The following SAG variants were observed in gnomAD, a reference collection of about 807,000 sequenced individuals.
SAG encodes the protein S-arrestin.
Under a neutral mutation model 55.0 loss-of-function variants are expected in SAG, and 45 were observed. The observed-to-expected ratio is 0.82, with a 90% CI of 0.64 to 1.05. SAG has a LOEUF of 1.05. Ranked by LOEUF, SAG falls within the 50% of genes least tolerant of loss-of-function variation. The probability of loss-of-function intolerance (pLI) is 0.00; values close to 1 mark genes in which losing one functional copy is unlikely to be tolerated. For synonymous variants in SAG, 189 were observed against 197.4 expected (o/e 0.96, Z 0.36); for missense variants, 455 against 512.1 (o/e 0.89, Z 1.08).
intron 7 of SAG, 126 bp downstream of exon 7, chr2:233,327,323 C>T: frequency 1.4e-6 from 1 of 696,496 alleles, no homozygotes. Context: ...GTACCATCTG[C>T]ATGTGGGATG....
intron 6 of SAG, among the ~76,000 whole-genome samples, chr2:233,325,872 G>A (rs1241231481): frequency 6.6e-6 from 1 of 152,230 alleles, no homozygotes; most frequent in Non-Finnish European, 1.5e-5. Flanking sequence ...TGGGCGAGCA[G>A]AACAGGCGTT....
At chr2:233,337,657 C>T (rs988601863) in intron 11 of SAG, among the ~76,000 whole-genome samples, 1 of 152,188 alleles carries the variant, frequency 6.6e-6, no homozygotes, top group Non-Finnish European at 1.5e-5. Flanking sequence ...CCCGAGCTGA[C>T]GTCTTCTTCC....
chr2:233,341,424 T>C (rs148357263), intron 13 of SAG, among the ~76,000 whole-genome samples: 1 of 152,286 alleles, frequency 6.6e-6, no homozygotes, highest in East Asian at 1.9e-4. Context: ...TACCAAAAGG[T>C]AGAAACAACC....
intron 14 of SAG, 96 bp from the exon 15 acceptor site, chr2:233,346,307 G>A: frequency 3.7e-6 from 5 of 1,333,400 alleles, no homozygotes; most frequent in Non-Finnish European, 5.4e-6. Flanking sequence ...CACCTAAAAG[G>A]TAGACATTTT....
chr2:233,344,831 T>C (rs1026650779), intron 14 of SAG: 3 of 152,258 alleles, frequency 2.0e-5, no homozygotes, highest in African/African-American at 7.2e-5. Flanking sequence ...TAATAAGTGC[T>C]GTGACATGCT....
Position 233,309,273 on chromosome 2 carries a change from T to C in SAG, c.75+9T>C, listed in dbSNP as rs754993108. The C allele has an allele frequency of 1.1e-5, 18 of 1,608,158 alleles. No individual in the cohort carries two copies. Among genetic ancestry groups the C allele is most frequent in the Non-Finnish European group, 1.5e-5 (18 of 1,174,922 alleles). On this transcript the variant is annotated intron_variant, in intron 2 of 15. Coordinates refer to ENST00000409110, the MANE Select transcript of SAG (RefSeq NM_000541.5). ...TCTCCCGGGACAAATCGGTGAGTGG[T>C]GCACAAGTGAGTGATTTGATAGAAA...
chr2:233,329,644 G>A lies in SAG; in HGVS notation c.733+67G>A, dbSNP rs1035749129. Reference sequence around the variant, plus strand: ...AATTTCTGATCCTGTTTCCTGAGAGGTCACTTCTCTGGTCTGATAAGGCCC... The same window carrying A: ...AATTTCTGATCCTGTTTCCTGAGAGATCACTTCTCTGGTCTGATAAGGCCC... On this transcript the variant is annotated intron_variant, in intron 9 of 15. Transcript: ENST00000409110. 1.8e-5 allele frequency: 20 copies of A among 1,117,714 alleles called. No homozygotes were observed. The Admixed American group carries it at 3.6e-4, about 20-fold the overall frequency. The allele number at this position is 1,117,714 out of a possible 1,614,324, so 69.2% of individuals were successfully genotyped here.
At chr2:233,314,637 A>G (rs1700169257) in intron 2 of SAG, among the ~76,000 whole-genome samples, 1 of 152,134 alleles carries the variant, frequency 6.6e-6, no homozygotes, top group Non-Finnish European at 1.5e-5. Context: ...CTTCCACACC[A>G]CCCAGGCTAG....
chr2:233,340,379 C>A lies in SAG; in HGVS notation c.1023-76C>A. 4 of 1,337,650 alleles carry A rather than the reference C, an allele frequency of 3.0e-6. No homozygotes were observed. Among genetic ancestry groups the A allele is most frequent in the South Asian group, 1.2e-5 (1 of 81,840 alleles). 82.9% of individuals were successfully genotyped at this position (1,337,650 alleles called of 1,614,324 possible). ...AAGGGCCATGAGAGCTGGGCTGTGT[C>A]CTGCCTCTGAATCATGGGAAAGGGT... On this transcript the variant is annotated intron_variant, in intron 12 of 15. Coordinates refer to ENST00000409110, the MANE Select transcript of SAG (RefSeq NM_000541.5). This position sits in a 1 kb window ranked among gnomAD's most constrained non-coding sequence, Gnocchi z 4.2.
chr2:233,328,388 A>C, intron 7 of SAG, 90 bp from the exon 8 acceptor site: 1 of 1,461,668 alleles, frequency 6.8e-7, no homozygotes, highest in Non-Finnish European at 9.4e-7. Context: ...ATTCCTGGAG[A>C]ATCTCCATGT....
At chr2:233,311,962 C>T (rs537469499) in intron 2 of SAG, among the ~76,000 whole-genome samples, 1 of 152,220 alleles carries the variant, frequency 6.6e-6, no homozygotes, top group South Asian at 2.1e-4. Context: ...CCTGTCTCTA[C>T]TAAAAATACA....
intron 10 of SAG, chr2:233,332,021 G>T: frequency 2.6e-6 from 1 of 387,944 alleles, no homozygotes; most frequent in Non-Finnish European, 4.7e-6. Flanking sequence ...TCCTTGGAAT[G>T]AATTGTTAGG....
Position 233,328,618 on chromosome 2 carries a change from C to T in SAG, c.648+5C>T, listed in dbSNP as rs761102923. The T allele has an allele frequency of 6.2e-7, 1 of 1,606,650 alleles. No homozygotes were observed. The highest frequency in any genetic ancestry group is 1.3e-5 in the African/African-American group (1 of 74,808). On this transcript the variant is annotated splice_donor_5th_base_variant and intron_variant, in intron 8 of 15. Coordinates refer to ENST00000409110, the MANE Select transcript of SAG (RefSeq NM_000541.5). The stretch of plus-strand genomic sequence containing the variant: ...GCGGTCTCTCTCAACAAAGAGGTAA[C>T]CACCTACCATCGCTACTACCCGCAG...
intron 2 of SAG, among the ~76,000 whole-genome samples, chr2:233,312,856 G>T (rs532929859): frequency 9.2e-5 from 14 of 152,202 alleles, no homozygotes; most frequent in African/African-American, 3.1e-4. Flanking sequence ...CTCCCCTCAG[G>T]CTTCCTCCCC....
chr2:233,334,864 G>T, intron 10 of SAG, 98 bp from the exon 11 acceptor site: 1 of 1,433,038 alleles, frequency 7.0e-7, no homozygotes, highest in Non-Finnish European at 9.7e-7. Context: ...GTCCATCAGG[G>T]GATGTGGATC....
intron 2 of SAG, among the ~76,000 whole-genome samples, chr2:233,312,407 G>T (rs1207137987): frequency 6.6e-6 from 1 of 152,138 alleles, no homozygotes; most frequent in Non-Finnish European, 1.5e-5. Context: ...TATAAAATGG[G>T]CTGCATTCCT....
At chr2:233,312,985 C>A (rs1700118480) in intron 2 of SAG, among the ~76,000 whole-genome samples, 2 of 152,156 alleles carry the variant, frequency 1.3e-5, no homozygotes, top group Admixed American at 1.3e-4. Flanking sequence ...TTTTTATTTT[C>A]AGTAGCCAGC....
intron 3 of SAG, 21 bp from the exon 4 acceptor site, chr2:233,318,730 T>C: frequency 6.2e-7 from 1 of 1,611,978 alleles, no homozygotes; most frequent in Non-Finnish European, 8.5e-7. Flanking sequence ...CCCTCACTGC[T>C]CTCTCCCTCT....
intron 12 of SAG, among the ~76,000 whole-genome samples, chr2:233,339,449 CTTGAGGAAAATAAGCG>C (rs1442669162): frequency 6.6e-6 from 1 of 151,926 alleles, no homozygotes; most frequent in African/African-American, 2.4e-5. Flanking sequence ...AAAGAATTCC[CTTGAGGAAAATAAGCG>C]TTTAAAAAGA....
Sources: allele counts gnomAD v4.1 joint callset (sites outside exome capture counted in the v4.1 genomes callset), GRCh38; gene constraint gnomAD v4.1.1; non-coding constraint Gnocchi (gnomAD v3.1); transcripts MANE v1.5; gene names NCBI Gene and HGNC (gene_info 2026-07-23, HGNC 2026-07-21).